The following DLGAP1 variants were observed in gnomAD, a reference collection of about 807,000 sequenced individuals.
The protein encoded by DLGAP1 is disks large-associated protein 1.
In DLGAP1, 11 loss-of-function variants were observed where a neutral mutation model predicts 90.8. That is an observed-to-expected ratio of 0.12 (90% CI 0.08 to 0.20). DLGAP1 has a LOEUF of 0.20. Ranked by LOEUF, DLGAP1 falls within the 10% of genes least tolerant of loss-of-function variation. The pLI is 1.00. For synonymous variants in DLGAP1, 558 were observed against 540.7 expected (o/e 1.03, Z -0.44); for missense variants, 1,050 against 1,333.8 (o/e 0.79, Z 3.31).
At position 3,729,047 on chromosome 18, in the gene DLGAP1, G is replaced by A. The variant is rs2062307565; in HGVS notation, c.1591+88C>T. ...GTGGTATCTTGTTCCTGGCAACTAT[G>A]TGTGTTGACAGCAAGGGCACAGTCT... On this transcript the variant is annotated intron_variant, in intron 7 of 12. Coordinates refer to ENST00000315677, the MANE Select transcript of DLGAP1 (RefSeq NM_004746.4). This position sits in a 1 kb window ranked among gnomAD's most constrained non-coding sequence, Gnocchi z 6.2. 6.7e-7 allele frequency: 1 copy of A among 1,499,258 alleles called. No individual in the cohort carries two copies. Among genetic ancestry groups the A allele is most frequent in the Non-Finnish European group, 8.9e-7 (1 of 1,122,688 alleles). The allele number at this position is 1,499,258 out of a possible 1,614,324, so 92.9% of individuals were successfully genotyped here.
chr18:4,221,047 T>C lies in DLGAP1; in HGVS notation c.-266-69760A>G, dbSNP rs200773361. Among the ~76,000 whole-genome samples, 22 of 152,280 alleles carry C rather than the reference T, an allele frequency of 1.4e-4. No homozygotes were observed. The East Asian group carries it at 4.1e-3, about 28-fold the overall frequency. On this transcript the variant is annotated intron_variant, in intron 1 of 12. Transcript: ENST00000315677. ...AGCCTATGAGCAATAGGCTATATCATGTAGTACATAGTAGTCTCTACCATC... is the reference window on the plus strand; with the variant it reads ...AGCCTATGAGCAATAGGCTATATCACGTAGTACATAGTAGTCTCTACCATC...
At chr18:4,223,096 G>GAAAAT (rs961607431) in intron 1 of DLGAP1, among the ~76,000 whole-genome samples, 45 of 151,962 alleles carry the variant, frequency 3.0e-4, no homozygotes, top group African/African-American at 1.2e-4. Context: ...GTCTCTCTAA[G>GAAAAT]AAAATAAAAT....
intron 1 of DLGAP1, among the ~76,000 whole-genome samples, chr18:4,189,959 TAC>T (rs942854416): frequency 2.0e-5 from 3 of 152,060 alleles, no homozygotes; most frequent in Non-Finnish European, 2.9e-5. Flanking sequence ...TATAAAATGG[TAC>T]AGTCACTTTA....
At chr18:3,851,351 G>T (rs933758554) in intron 4 of DLGAP1, among the ~76,000 whole-genome samples, 6 of 152,164 alleles carry the variant, frequency 3.9e-5, no homozygotes, top group Non-Finnish European at 7.3e-5. Context: ...GGCAGCCTGT[G>T]AAGTGATCCA....
At chr18:3,788,672 T>C (rs1333163116) in intron 5 of DLGAP1, among the ~76,000 whole-genome samples, 1 of 152,206 alleles carries the variant, frequency 6.6e-6, no homozygotes, top group Admixed American at 6.5e-5. Context: ...GATGTAATCC[T>C]TACAGGGTCG....
chr18:4,216,833 A>G lies in DLGAP1; in HGVS notation c.-266-65546T>C, dbSNP rs539891914. The stretch of plus-strand genomic sequence containing the variant: ...GTTTCCTCTATTAGTAGCATCTTGC[A>G]TGAGTGGGGTACATTTATTGCAATT... On this transcript the variant is annotated intron_variant, in intron 1 of 12. Transcript: ENST00000315677. Among the ~76,000 whole-genome samples, 210 of 152,266 alleles carry G rather than the reference A, an allele frequency of 1.4e-3. 4 individuals are homozygous for G. In the South Asian group the frequency reaches 0.028, roughly 20 times the overall value.
Position 4,407,008 on chromosome 18 carries a change from A to C in DLGAP1, c.-267+47998T>G, listed in dbSNP as rs78606026. 1.1e-4 allele frequency among the ~76,000 whole-genome samples: 17 copies of C among 152,268 alleles called. No individual in the cohort carries two copies. In the East Asian group the frequency reaches 3.3e-3, roughly 29 times the overall value. ...TGATCATTGGGAGCTTTCCTTTTAA[A>C]ATTGCACTCTCCTGTCACATTAAGT... On this transcript the variant is annotated intron_variant, in intron 1 of 12. Transcript: ENST00000315677.
chr18:4,195,351 C>G (rs2077477207), intron 1 of DLGAP1, among the ~76,000 whole-genome samples: 1 of 152,120 alleles, frequency 6.6e-6, no homozygotes, highest in Non-Finnish European at 1.5e-5. Context: ...TCTTTCACAA[C>G]TACTAAGCCT....
chr18:4,216,795 C>T (rs962111361), intron 1 of DLGAP1, among the ~76,000 whole-genome samples: 4 of 152,034 alleles, frequency 2.6e-5, no homozygotes, highest in Non-Finnish European at 5.9e-5. Context: ...CTCATAAAAC[C>T]TAACATCACT....
At chr18:4,030,933 C>T (rs1239935719) in intron 2 of DLGAP1, among the ~76,000 whole-genome samples, 1 of 151,808 alleles carries the variant, frequency 6.6e-6, no homozygotes, top group Non-Finnish European at 1.5e-5. Context: ...AAAACAAAAA[C>T]AAAAACAAAA....
chr18:3,580,530 C>T (rs995509669), intron 8 of DLGAP1: 21 of 1,597,044 alleles, frequency 1.3e-5, no homozygotes, highest in Middle Eastern at 1.9e-4. Flanking sequence ...GCGGCGGCAG[C>T]GGAGATGGCA....
intron 1 of DLGAP1, chr18:4,293,454 A>G (rs561863508): frequency 1.3e-5 from 2 of 152,346 alleles, no homozygotes; most frequent in East Asian, 3.9e-4. Context: ...ATCAGATTAA[A>G]CTGCACTCCA....
intron 2 of DLGAP1, among the ~76,000 whole-genome samples, chr18:4,142,820 A>G (rs372165300): frequency 2.0e-5 from 3 of 152,200 alleles, no homozygotes; most frequent in African/African-American, 7.2e-5. Context: ...ATTAGGCGGT[A>G]CCCCAAGCCC....
chr18:4,347,802 A>C (rs920125292), intron 1 of DLGAP1, among the ~76,000 whole-genome samples: 1 of 152,074 alleles, frequency 6.6e-6, no homozygotes, highest in Non-Finnish European at 1.5e-5. Context: ...GAAAGTGTTA[A>C]AAAAATGCAA....
At chr18:4,338,308 C>T (rs760895396) in intron 1 of DLGAP1, among the ~76,000 whole-genome samples, 1 of 152,156 alleles carries the variant, frequency 6.6e-6, no homozygotes, top group Non-Finnish European at 1.5e-5. Flanking sequence ...AAATTGTTGT[C>T]AGTTTTGTTT....
In DLGAP1 at chr18:4,287,576, G is replaced by A. The variant is rs111518386; in HGVS notation, c.-266-136289C>T. On this transcript the variant is annotated intron_variant, in intron 1 of 12. Transcript: ENST00000315677. The stretch of plus-strand genomic sequence containing the variant: ...GATGAAGCTGGAAACCATCATTCTC[G>A]GCAAAGTAAAACAGGAACAGAAAAC... 1.1e-3 allele frequency among the ~76,000 whole-genome samples: 173 copies of A among 152,136 alleles called. 2 individuals carry two copies. Among genetic ancestry groups the A allele is most frequent in the African/African-American group, 3.9e-3 (161 of 41,510 alleles).
At chr18:4,274,565 G>C (rs2079366847) in intron 1 of DLGAP1, among the ~76,000 whole-genome samples, 1 of 152,126 alleles carries the variant, frequency 6.6e-6, no homozygotes, top group African/African-American at 2.4e-5. Flanking sequence ...TCACATTAGA[G>C]AGCTTTGATA....
At chr18:4,354,006 G>C (rs756481953) in intron 1 of DLGAP1, among the ~76,000 whole-genome samples, 12 of 152,170 alleles carry the variant, frequency 7.9e-5, no homozygotes, top group Non-Finnish European at 1.0e-4. Flanking sequence ...TTCAGACTGA[G>C]GCAAAACAGC....
intron 7 of DLGAP1, among the ~76,000 whole-genome samples, chr18:3,602,492 G>A (rs1599480540): frequency 6.6e-6 from 1 of 151,032 alleles, no homozygotes; most frequent in South Asian, 2.1e-4. Context: ...CTACTCGGGA[G>A]GCTGAGGCAG....
Sources: gnomAD v4.1 joint callset for allele counts (sites outside exome capture counted in the v4.1 genomes callset) on GRCh38, gnomAD v4.1.1 for gene constraint, Gnocchi (gnomAD v3.1) non-coding constraint, MANE v1.5 for transcripts, NCBI Gene and HGNC (gene_info 2026-07-23, HGNC 2026-07-21) for gene names.